COX10: variants seen among roughly 807,000 people sequenced by gnomAD.
COX10 encodes the protein cytochrome c oxidase assembly factor heme A:farnesyltransferase COX10.
COX10 carries 27 observed loss-of-function variants against 37.3 expected under a neutral mutation model. The observed-to-expected ratio is 0.72, with a 90% confidence interval of 0.53 to 1.00. COX10 has a LOEUF of 1.00. Ranked by LOEUF, COX10 falls within the 50% of genes least tolerant of loss-of-function variation. The pLI, the probability that COX10 is intolerant of heterozygous loss-of-function variation, is 0.00. For synonymous variants in COX10, 222 were observed against 229.1 expected (o/e 0.97, Z 0.28); for missense variants, 475 against 563.2 (o/e 0.84, Z 1.59).
chr17:14,131,223 A>G (rs1189408484), intron 4 of COX10, among the ~76,000 whole-genome samples: 1 of 152,178 alleles, frequency 6.6e-6, no homozygotes, highest in East Asian at 1.9e-4. Flanking sequence ...AATAATCAGA[A>G]AGCAGGTTAA....
chr17:14,102,721 A>G (rs748135273), intron 4 of COX10, among the ~76,000 whole-genome samples: 1 of 152,180 alleles, frequency 6.6e-6, no homozygotes, highest in Non-Finnish European at 1.5e-5. Flanking sequence ...GAATACGGTT[A>G]TACCCCAAAA....
intron 3 of COX10, among the ~76,000 whole-genome samples, chr17:14,078,321 C>T (rs1049040662): frequency 7.2e-5 from 11 of 152,114 alleles, no homozygotes; most frequent in Admixed American, 2.0e-4. Context: ...CCTCTCAGCC[C>T]GTAGGCATCA....
chr17:14,084,654 A>T (rs1157586551), intron 3 of COX10, among the ~76,000 whole-genome samples: 1 of 152,160 alleles, frequency 6.6e-6, no homozygotes, highest in African/African-American at 2.4e-5. Context: ...CAGGCCATGC[A>T]ATAACCAGGC....
chr17:14,148,403 G>A (rs545996725), intron 4 of COX10, among the ~76,000 whole-genome samples: 1 of 152,152 alleles, frequency 6.6e-6, no homozygotes, highest in East Asian at 1.9e-4. Flanking sequence ...TGCTGGATAA[G>A]GTGCCTCTCC....
rs1402664211 is a variant in COX10 at position 14,207,033 on chromosome 17, G to A, written c.1152G>A (p.Met384Ile). Residue 384 changes from methionine (M) to isoleucine (I), a missense_variant, in exon 7 of 7, where the codon ATG (methionine) becomes ATA (isoleucine). Physicochemically the swap from Met to Ile is conservative, Grantham distance 10 (BLOSUM62 1). Coordinates refer to ENST00000261643, the MANE Select transcript of COX10 (RefSeq NM_001303.4). Reference sequence around the variant, plus strand: ...TCACCACATGGACCTTCCCCATCATGGCCCTTCCCATCAATGCGTACATCT... The same window carrying A: ...TCACCACATGGACCTTCCCCATCATAGCCCTTCCCATCAATGCGTACATCT... ...LDITTWTFPI[M>I]ALPINAYISY... 1 of 1,613,926 alleles carries A rather than the reference G, an allele frequency of 6.2e-7. No individual in the cohort carries two copies. The highest frequency in any genetic ancestry group is 8.5e-7 in the Non-Finnish European group (1 of 1,179,940).
intron 5 of COX10, among the ~76,000 whole-genome samples, chr17:14,169,018 A>C (rs1191594964): frequency 6.6e-6 from 1 of 152,168 alleles, no homozygotes; most frequent in Non-Finnish European, 1.5e-5. Flanking sequence ...CCGAACTTTT[A>C]AGTTCTGCCT....
chr17:14,131,540 A>G (rs1203798882), intron 4 of COX10, among the ~76,000 whole-genome samples: 1 of 152,014 alleles, frequency 6.6e-6, no homozygotes, highest in Non-Finnish European at 1.5e-5. Context: ...AAATAGTTTT[A>G]GATAACTGAA....
chr17:14,142,102 G>A (rs747126351), intron 4 of COX10, among the ~76,000 whole-genome samples: 4 of 152,118 alleles, frequency 2.6e-5, no homozygotes, highest in Admixed American at 6.6e-5. Context: ...AGGAGTAAGC[G>A]CCTCTTTATT....
chr17:14,195,618 G>C (rs905754559), intron 6 of COX10, among the ~76,000 whole-genome samples: 1 of 152,160 alleles, frequency 6.6e-6, no homozygotes, highest in African/African-American at 2.4e-5. Flanking sequence ...ACATGAATAT[G>C]TACATCAAAT....
chr17:14,132,725 T>G, intron 4 of COX10, among the ~76,000 whole-genome samples: 1 of 151,744 alleles, frequency 6.6e-6, no homozygotes, highest in East Asian at 1.9e-4. Flanking sequence ...GTTTGTAGCA[T>G]TATGAAATGT....
At position 14,205,051 on chromosome 17, in the gene COX10, G is replaced by A. The variant is rs571797698; in HGVS notation, c.929-1759G>A. ...GAGCCCAAGAGATCGAGGCTGCAGT[G>A]AGCTGAGACTGTGCCACTGCACTCC... On this transcript the variant is annotated intron_variant, in intron 6 of 6. Transcript: ENST00000261643. Among the ~76,000 whole-genome samples the A allele has an allele frequency of 9.8e-5, 15 of 152,288 alleles. No homozygotes were observed. In the South Asian group the frequency reaches 2.9e-3, roughly 29 times the overall value.
intron 4 of COX10, among the ~76,000 whole-genome samples, chr17:14,112,084 TA>T (rs1181074619): frequency 3.9e-5 from 6 of 152,160 alleles, no homozygotes; most frequent in African/African-American, 1.4e-4. Context: ...GCACAAAGTG[TA>T]ATGTATTTTT....
intron 4 of COX10, among the ~76,000 whole-genome samples, chr17:14,120,046 A>G (rs1357589213): frequency 6.6e-6 from 1 of 152,158 alleles, no homozygotes; most frequent in Non-Finnish European, 1.5e-5. Flanking sequence ...AATAAATGAT[A>G]TTTAGAGGTT....
chr17:14,199,642 T>A (rs1312147249), intron 6 of COX10, among the ~76,000 whole-genome samples: 1 of 152,188 alleles, frequency 6.6e-6, no homozygotes. Context: ...TAGCAAAGAA[T>A]TCTTCAAGGG....
At chr17:14,131,851 G>T (rs997976358) in intron 4 of COX10, among the ~76,000 whole-genome samples, 1 of 151,920 alleles carries the variant, frequency 6.6e-6, no homozygotes, top group Non-Finnish European at 1.5e-5. Flanking sequence ...AGATTCTGAA[G>T]CCTAAATCAG....
chr17:14,094,255 A>C (rs1915593359), intron 3 of COX10, among the ~76,000 whole-genome samples: 1 of 151,418 alleles, frequency 6.6e-6, no homozygotes. Context: ...TATCAGTAAA[A>C]AGAACTTTAA....
rs777894321 is a variant in COX10, at chr17:14,207,180, C to T, written c.1299C>T (p.Ser433=). ...TCATGCTCACCTGCAAGCGGCCGAGCGGAGGCGGGGACGCAGGGCCCCCTC... is the reference window on the plus strand; with the variant it reads ...TCATGCTCACCTGCAAGCGGCCGAGTGGAGGCGGGGACGCAGGGCCCCCTC... ...LLLMLTCKRP[S]GGGDAGPPPS Residue 433 remains serine (S), a synonymous_variant, in exon 7 of 7, where the codon AGC becomes AGT. Coordinates refer to ENST00000261643, the MANE Select transcript of COX10 (RefSeq NM_001303.4). 111 of 1,605,456 alleles carry T rather than the reference C, an allele frequency of 6.9e-5. No homozygotes were observed. The highest frequency in any genetic ancestry group is 8.8e-5 in the Non-Finnish European group (104 of 1,177,350).
At chr17:14,076,451 T>G (rs1246371212) in intron 2 of COX10, among the ~76,000 whole-genome samples, 6 of 40,076 alleles carry the variant, frequency 1.5e-4, no homozygotes, top group Non-Finnish European at 3.7e-4. Flanking sequence ...AGGAGATGAA[T>G]AACAAGTAAA....
At chr17:14,101,407 G>A (rs72816630) in intron 3 of COX10, among the ~76,000 whole-genome samples, 16,744 of 152,112 alleles carry the variant, frequency 0.11, 1,190 homozygotes, top group Middle Eastern at 0.17. Context: ...TTTTTCCAGC[G>A]GATTTCTACA....
Sources: allele counts gnomAD v4.1 joint callset (sites outside exome capture counted in the v4.1 genomes callset), GRCh38; gene constraint gnomAD v4.1.1; transcripts MANE v1.5; gene names NCBI Gene and HGNC (gene_info 2026-07-23, HGNC 2026-07-21).